Variants in PJA2 observed in about 807,000 individuals in gnomAD.
PJA2 encodes praja ring finger ubiquitin ligase 2, also known as E3 ubiquitin-protein ligase Praja-2.
A neutral mutation model predicts 69.3 loss-of-function variants in PJA2; 25 were observed. The observed-to-expected ratio is 0.36, with a 90% CI of 0.26 to 0.50. The LOEUF (loss-of-function observed/expected upper bound fraction) is 0.50, where lower values mean the gene tolerates loss of function less well. Among genes scored for constraint, PJA2 ranks in the 20% least tolerant of loss-of-function variants. PJA2 has a pLI of 0.96. For synonymous variants in PJA2, 308 were observed against 277.8 expected (o/e 1.11, Z -1.08); for missense variants, 809 against 830.2 (o/e 0.97, Z 0.31).
At chr5:109,379,528 G>T (rs1022373145) in intron 3 of PJA2, among the ~76,000 whole-genome samples, 3 of 152,184 alleles carry the variant, frequency 2.0e-5, no homozygotes, top group Non-Finnish European at 4.4e-5. Context: ...CCTTCTGCAA[G>T]ACATATAAAG....
In PJA2 at chr5:109,336,864, T is replaced by C. The variant is rs1761953669; in HGVS notation, c.*367A>G. ...TACGGTTGTGAACACAGTCTTTACA[T>C]TTGATGCAAACAGGACAGCTTAATT... On this transcript the variant is annotated 3_prime_UTR_variant, in exon 10 of 10. Transcript: ENST00000361189. The C allele has an allele frequency of 6.5e-6, 1 of 153,708 alleles. No individual in the cohort carries two copies. The highest frequency in any genetic ancestry group is 1.4e-5 in the Non-Finnish European group (1 of 69,118). The allele number at this position is 153,708 out of a possible 1,614,324, so 9.5% of individuals were successfully genotyped here. A position where few individuals can be genotyped will look rare whatever the true frequency, so the allele number is the denominator to read the frequency against.
In PJA2 at chr5:109,336,762, GAT is replaced by G. The variant is rs1761951582; in HGVS notation, c.*467_*468del. On this transcript the variant is annotated 3_prime_UTR_variant, in exon 10 of 10. Transcript: ENST00000361189. ...CTCAGCATATGAACCAAGAGGTTAT[GAT>G]ATAGCAAAATCAAAGGGACTAGTGA... 1 of 152,344 alleles carries G rather than the reference GAT, an allele frequency of 6.6e-6. No individual in the cohort carries two copies. The highest frequency in any genetic ancestry group is 6.5e-5 in the Admixed American group (1 of 15,270). 9.4% of individuals were successfully genotyped at this position (152,344 alleles called of 1,614,324 possible). A position where few individuals can be genotyped will look rare whatever the true frequency, so the allele number is the denominator to read the frequency against.
intron 9 of PJA2, among the ~76,000 whole-genome samples, chr5:109,338,187 T>C (rs1253285574): frequency 1.3e-5 from 2 of 152,146 alleles, no homozygotes; most frequent in African/African-American, 2.4e-5. Flanking sequence ...AACAAAGAAC[T>C]GTATCTTGGG....
At chr5:109,354,641 T>C (rs1762380172) in intron 7 of PJA2, among the ~76,000 whole-genome samples, 1 of 146,900 alleles carries the variant, frequency 6.8e-6, no homozygotes, top group Admixed American at 6.9e-5. Flanking sequence ...ATATTAGATA[T>C]ATGTTATATA....
chr5:109,348,068 T>C (rs1030880478), intron 7 of PJA2, among the ~76,000 whole-genome samples: 2 of 152,202 alleles, frequency 1.3e-5, no homozygotes, highest in Non-Finnish European at 2.9e-5. Context: ...TATTAATCCA[T>C]AGTCTGTAGT....
At chr5:109,391,719 G>A (rs1747286000) in intron 1 of PJA2, among the ~76,000 whole-genome samples, 1 of 151,880 alleles carries the variant, frequency 6.6e-6, no homozygotes, top group African/African-American at 2.4e-5. Flanking sequence ...TGAAAAAAAA[G>A]GAAGAAAGTA....
rs765606702 is a variant in PJA2 at position 109,356,050 on chromosome 5, A to G, written c.1653-24T>C. The G allele has an allele frequency of 4.0e-6, 6 of 1,494,042 alleles. No homozygotes were observed. In the South Asian group the frequency reaches 5.7e-5, roughly 14 times the overall value. The allele number at this position is 1,494,042 out of a possible 1,614,324, so 92.5% of individuals were successfully genotyped here. On this transcript the variant is annotated intron_variant, in intron 6 of 9. Transcript: ENST00000361189. ...GGCTGAAAAAAAAAAAAAATAACAG[A>G]AAAAACTCACCACTATGATTTGGGA...
chr5:109,407,235 G>C (rs934001001), intron 1 of PJA2, among the ~76,000 whole-genome samples: 3 of 152,064 alleles, frequency 2.0e-5, no homozygotes, highest in Non-Finnish European at 4.4e-5. Context: ...TTTTCTAAGA[G>C]GGTGCTCTCT....
chr5:109,409,605 C>T (rs1178735480), intron 1 of PJA2, among the ~76,000 whole-genome samples: 1 of 151,946 alleles, frequency 6.6e-6, no homozygotes, highest in Non-Finnish European at 1.5e-5. Flanking sequence ...GCGACCGTCC[C>T]GGATAGGAGC....
chr5:109,408,537 C>CAAA (rs576057624), intron 1 of PJA2, among the ~76,000 whole-genome samples: 5 of 145,112 alleles, frequency 3.4e-5, no homozygotes, highest in African/African-American at 1.3e-4. Context: ...TAGCCTCCCT[C>CAAA]AAAAAAAAAA....
chr5:109,379,395 G>A (rs1004752364), intron 3 of PJA2, 141 bp from the exon 4 acceptor site: 2 of 648,508 alleles, frequency 3.1e-6, no homozygotes, highest in Admixed American at 5.9e-5. Context: ...GCACTTCTAT[G>A]CTCCTTAACT....
intron 4 of PJA2, among the ~76,000 whole-genome samples, chr5:109,372,414 C>A (rs1762688134): frequency 6.6e-6 from 1 of 152,208 alleles, no homozygotes; most frequent in Non-Finnish European, 1.5e-5. Flanking sequence ...TCTTTCAAGA[C>A]CTTCCTGTAT....
At chr5:109,373,209 GA>G in intron 4 of PJA2, among the ~76,000 whole-genome samples, 1 of 152,064 alleles carries the variant, frequency 6.6e-6, no homozygotes, top group East Asian at 1.9e-4. Context: ...TTCAGCAGTA[GA>G]AAAGAAAACA....
rs144225256 is a variant in PJA2 at position 109,361,519 on chromosome 5, C to A, written c.1652+1321G>T. Among the ~76,000 whole-genome samples the A allele has an allele frequency of 4.6e-3, 700 of 152,282 alleles. 5 individuals carry two copies. Among genetic ancestry groups the A allele is most frequent in the African/African-American group, 0.016 (675 of 41,542 alleles). On this transcript the variant is annotated intron_variant, in intron 6 of 9. Transcript: ENST00000361189. ...CATAGATGATGCTAAACAGATGATT[C>A]TTTCAACTGCTGAACACTTTGAGGA...
chr5:109,381,358 A>G (rs565360628), intron 3 of PJA2, 145 bp downstream of exon 3: 49 of 620,762 alleles, frequency 7.9e-5, no homozygotes, highest in South Asian at 6.9e-4. Context: ...ATTAAATTCA[A>G]TAAGAATTTC....
intron 9 of PJA2, among the ~76,000 whole-genome samples, chr5:109,338,742 G>A (rs1029841217): frequency 1.3e-5 from 2 of 151,852 alleles, no homozygotes; most frequent in African/African-American, 2.4e-5. Flanking sequence ...AAATAGATGA[G>A]TGTGGTCTTG....
chr5:109,360,321 T>C (rs1280689158), intron 6 of PJA2, among the ~76,000 whole-genome samples: 1 of 152,150 alleles, frequency 6.6e-6, no homozygotes, highest in Non-Finnish European at 1.5e-5. Flanking sequence ...CACCAAGCTA[T>C]CAGGTACTCT....
chr5:109,347,770 C>T (rs1346549132), intron 7 of PJA2, among the ~76,000 whole-genome samples: 2 of 152,232 alleles, frequency 1.3e-5, no homozygotes, highest in Non-Finnish European at 2.9e-5. Flanking sequence ...AGCCCTAAAG[C>T]TGTTTCTTAA....
chr5:109,352,804 T>A (rs1399612780), intron 7 of PJA2, among the ~76,000 whole-genome samples: 1 of 151,074 alleles, frequency 6.6e-6, no homozygotes, highest in Admixed American at 6.6e-5. Context: ...TAGATATGTA[T>A]ATATTAGATA....
Sources: allele counts gnomAD v4.1 joint callset (sites outside exome capture counted in the v4.1 genomes callset), GRCh38; gene constraint gnomAD v4.1.1; transcripts MANE v1.5; gene names NCBI Gene and HGNC (gene_info 2026-07-23, HGNC 2026-07-21).